MRPS28: variants seen among roughly 807,000 people sequenced by gnomAD.
MRPS28 encodes the protein small ribosomal subunit protein bS1m.
In MRPS28, 7 loss-of-function variants were observed where a neutral mutation model predicts 10.8. The ratio of observed to expected loss-of-function variants is 0.65; its 90% confidence interval spans 0.37 to 1.22. The LOEUF (loss-of-function observed/expected upper bound fraction) is 1.22. Ranked by LOEUF, MRPS28 falls within the 50% of genes most tolerant of loss-of-function variation. The pLI is 0.02. For missense variants in MRPS28, 265 were observed against 232.9 expected (o/e 1.14, Z -0.90); for synonymous variants, 121 against 93.3 (o/e 1.30, Z -1.71).
At chr8:80,027,346 G>T (rs1180728244) in intron 1 of MRPS28, among the ~76,000 whole-genome samples, 1 of 152,180 alleles carries the variant, frequency 6.6e-6, no homozygotes, top group African/African-American at 2.4e-5. Context: ...AGCAAACTTA[G>T]ATAGGCTAAG....
chr8:80,019,075 T>C (rs1037576457), intron 1 of MRPS28, among the ~76,000 whole-genome samples: 1 of 151,538 alleles, frequency 6.6e-6, no homozygotes, highest in African/African-American at 2.4e-5. Flanking sequence ...TATAAGGGGG[T>C]GGGGATGGTT....
At chr8:80,029,760 C>A in intron 1 of MRPS28, 1 of 1,487,486 alleles carries the variant, frequency 6.7e-7, no homozygotes, top group Non-Finnish European at 9.0e-7. Context: ...CCGCTGGTTA[C>A]CTTCCCACCA....
At chr8:79,972,703 A>G (rs1189512138) in intron 2 of MRPS28, among the ~76,000 whole-genome samples, 1 of 152,220 alleles carries the variant, frequency 6.6e-6, no homozygotes, top group Non-Finnish European at 1.5e-5. Flanking sequence ...ATATTGACAC[A>G]CGTTTTTTAA....
chr8:79,950,833 G>GAA (rs1368266331), intron 2 of MRPS28, among the ~76,000 whole-genome samples: 1 of 152,204 alleles, frequency 6.6e-6, no homozygotes, highest in East Asian at 1.9e-4. Flanking sequence ...CAGTCAGTGT[G>GAA]AAGTCAGAGC....
intron 2 of MRPS28, among the ~76,000 whole-genome samples, chr8:79,954,283 A>G (rs918728864): frequency 6.6e-6 from 1 of 152,152 alleles, no homozygotes; most frequent in Admixed American, 6.5e-5. Context: ...ATGGTTTGGC[A>G]TTATCTTCTA....
intron 1 of MRPS28, chr8:80,028,828 C>G (rs369737750): frequency 2.6e-5 from 4 of 154,226 alleles, no homozygotes; most frequent in East Asian, 1.9e-4. Context: ...ACAATTAGCC[C>G]AGAGTGGTGG....
At chr8:80,016,649 T>TA (rs1455595212) in intron 1 of MRPS28, among the ~76,000 whole-genome samples, 8 of 152,264 alleles carry the variant, frequency 5.3e-5, no homozygotes, top group Non-Finnish European at 4.4e-5. Flanking sequence ...TATGTGAAGG[T>TA]AAAATTAAAA....
chr8:79,936,735 G>T (rs1185418337), intron 2 of MRPS28, among the ~76,000 whole-genome samples: 2 of 152,182 alleles, frequency 1.3e-5, no homozygotes, highest in African/African-American at 4.8e-5. Context: ...TATGACATAT[G>T]ATGGCAACCC....
At chr8:80,006,564 C>T (rs1307408704) in intron 1 of MRPS28, among the ~76,000 whole-genome samples, 8 of 151,888 alleles carry the variant, frequency 5.3e-5, no homozygotes, top group African/African-American at 1.5e-4. Context: ...ATCACATAGA[C>T]GCAATAAAAA....
intron 2 of MRPS28, among the ~76,000 whole-genome samples, chr8:79,925,834 G>C (rs1586038222): frequency 6.6e-6 from 1 of 151,708 alleles, no homozygotes; most frequent in Non-Finnish European, 1.5e-5. Flanking sequence ...AAAAAATACA[G>C]AAATTAGCTA....
At chr8:79,985,846 T>C (rs1808142447) in intron 2 of MRPS28, among the ~76,000 whole-genome samples, 1 of 151,840 alleles carries the variant, frequency 6.6e-6, no homozygotes, top group Admixed American at 6.6e-5. Context: ...CTACCAGAGG[T>C]ACAAGGAGGA....
chr8:79,964,833 A>G (rs911071333), intron 2 of MRPS28, among the ~76,000 whole-genome samples: 12 of 152,072 alleles, frequency 7.9e-5, no homozygotes, highest in Non-Finnish European at 7.4e-5. Flanking sequence ...CACTGCCATG[A>G]TTCTACTACT....
At chr8:79,921,759 T>G (rs1024223876) in intron 2 of MRPS28, among the ~76,000 whole-genome samples, 1 of 152,110 alleles carries the variant, frequency 6.6e-6, no homozygotes, top group Non-Finnish European at 1.5e-5. Flanking sequence ...CTTTTCCTAA[T>G]TGAATACCCT....
chr8:79,997,594 T>C (rs1808535408), intron 2 of MRPS28, among the ~76,000 whole-genome samples: 1 of 152,052 alleles, frequency 6.6e-6, no homozygotes, highest in Non-Finnish European at 1.5e-5. Flanking sequence ...TCCTTTCTGA[T>C]TCAAGCAGCA....
At chr8:79,958,499 T>C in intron 2 of MRPS28, 1 of 591,800 alleles carries the variant, frequency 1.7e-6, no homozygotes, top group Non-Finnish European at 3.0e-6. Flanking sequence ...ATAATTTTTA[T>C]TGCTAATTTT....
rs112095437 is a variant in MRPS28, at chr8:80,023,160, G to A, written c.213+6876C>T. On this transcript the variant is annotated intron_variant, in intron 1 of 2. Coordinates refer to ENST00000276585, the MANE Select transcript of MRPS28 (RefSeq NM_014018.3). ...TTTCAAAAGATTTTTATTACTCAGA[G>A]GTAATTCTCCTAGAATTCTATAATG... is the stretch of plus-strand genomic sequence containing the variant. Among the ~76,000 whole-genome samples the A allele has an allele frequency of 2.6e-3, 394 of 152,208 alleles. 3 individuals carry two copies. Among genetic ancestry groups the A allele is most frequent in the Middle Eastern group, 0.024 (7 of 294 alleles).
chr8:80,021,189 G>A (rs1026545768), intron 1 of MRPS28, among the ~76,000 whole-genome samples: 2 of 152,076 alleles, frequency 1.3e-5, no homozygotes, highest in Non-Finnish European at 2.9e-5. Flanking sequence ...TTTTAGTAAA[G>A]ACAGGGTTTC....
At chr8:79,978,714 A>G (rs1807867941) in intron 2 of MRPS28, among the ~76,000 whole-genome samples, 1 of 152,198 alleles carries the variant, frequency 6.6e-6, no homozygotes, top group African/African-American at 2.4e-5. Context: ...ACAAAAACAA[A>G]ACAAAATAAA....
In MRPS28 at chr8:79,918,934, A is replaced by C; in HGVS notation, c.*46T>G. 3.7e-6 allele frequency: 5 copies of C among 1,365,958 alleles called. No individual in the cohort carries two copies. Among genetic ancestry groups the C allele is most frequent in the Non-Finnish European group, 4.8e-6 (5 of 1,035,752 alleles). 84.6% of individuals were successfully genotyped at this position (1,365,958 alleles called of 1,614,324 possible). ...AATTAGTCTAATTGCATTCTTGATG[A>C]ATAACTGACTTCAGCAAAGGAGTCA... is the stretch of plus-strand genomic sequence containing the variant. On this transcript the variant is annotated 3_prime_UTR_variant, in exon 3 of 3. Coordinates refer to ENST00000276585, the MANE Select transcript of MRPS28 (RefSeq NM_014018.3).
Sources: gnomAD v4.1 joint callset for allele counts (sites outside exome capture counted in the v4.1 genomes callset) on GRCh38, gnomAD v4.1.1 for gene constraint, MANE v1.5 for transcripts, NCBI Gene and HGNC (gene_info 2026-07-23, HGNC 2026-07-21) for gene names.